MX1: variants seen among roughly 807,000 people sequenced by gnomAD.
MX1 encodes MX dynamin like GTPase 1.
MX1 carries 66 observed loss-of-function variants against 66.4 expected under a neutral mutation model. The ratio of observed to expected loss-of-function variants is 0.99; its 90% CI spans 0.82 to 1.22. The LOEUF (loss-of-function observed/expected upper bound fraction) is 1.22. Among genes scored for constraint, MX1 ranks in the 50% most tolerant of loss-of-function variants. The pLI is 0.00. For synonymous variants in MX1, 311 were observed against 318.1 expected (o/e 0.98, Z 0.24); for missense variants, 787 against 834.3 (o/e 0.94, Z 0.70).
At chr21:41,456,720 C>A (rs1264923713) in intron 16 of MX1, among the ~76,000 whole-genome samples, 1 of 152,010 alleles carries the variant, frequency 6.6e-6, no homozygotes, top group Admixed American at 6.6e-5. Context: ...TCCATCCACA[C>A]TGGCCGCTTT....
chr21:41,427,020 C>G (rs1323085611), intron 1 of MX1, 186 bp from the exon 2 acceptor site: 4 of 152,192 alleles, frequency 2.6e-5, no homozygotes, highest in Non-Finnish European at 4.4e-5. Context: ...GACCTGCGCT[C>G]CCATCCCACC....
chr21:41,451,073 T>C, intron 14 of MX1, 94 bp from the exon 15 acceptor site: 1 of 834,414 alleles, frequency 1.2e-6, no homozygotes, highest in Non-Finnish European at 2.0e-6. Flanking sequence ...GGGGAAACTT[T>C]ACTTCATACC....
intron 7 of MX1, among the ~76,000 whole-genome samples, chr21:41,437,470 C>T (rs1255588593): frequency 7.8e-6 from 1 of 127,420 alleles, no homozygotes; most frequent in Admixed American, 7.4e-5. Context: ...GAGACCCCGT[C>T]TCTTAAAAAA....
At chr21:41,433,315 G>A (rs1233250173) in intron 5 of MX1, among the ~76,000 whole-genome samples, 1 of 152,262 alleles carries the variant, frequency 6.6e-6, no homozygotes, top group Non-Finnish European at 1.5e-5. Flanking sequence ...GTGTGCTGGA[G>A]TTTGAGGACC....
At chr21:41,427,495 G>T (rs1427115186) in intron 2 of MX1, among the ~76,000 whole-genome samples, 191 bp downstream of exon 2, 4 of 151,862 alleles carry the variant, frequency 2.6e-5, no homozygotes. Context: ...TGCACGTTCT[G>T]CACATGTACC....
chr21:41,458,915 C>T lies in MX1; in HGVS notation c.*157C>T. ...GTGATTTAGCAGGAAGCTGTGAGAG[C>T]AGTTTGGTTTCTAGCATGAAGACAG... On this transcript the variant is annotated 3_prime_UTR_variant, in exon 17 of 17. Transcript: ENST00000398598. 7.4e-7 allele frequency: 1 copy of T among 1,359,134 alleles called. No individual in the cohort carries two copies. The highest frequency in any genetic ancestry group is 9.7e-7 in the Non-Finnish European group (1 of 1,027,950). The allele number at this position is 1,359,134 out of a possible 1,614,324, so 84.2% of individuals were successfully genotyped here.
At position 41,458,612 on chromosome 21, in the gene MX1, G is replaced by A; in HGVS notation, c.1843G>A (p.Ala615Thr). ...LQTYGQQLQKAMLQLLQDKDT... is the reference protein window; with the variant it reads ...LQTYGQQLQKTMLQLLQDKDT... The stretch of plus-strand genomic sequence containing the variant: ...GACGTACGGCCAGCAGCTTCAGAAG[G>A]CCATGCTGCAGCTCCTGCAGGACAA... Residue 615 changes from alanine to threonine, a missense_variant, in exon 17 of 17, where the codon GCC becomes ACC. Coordinates refer to ENST00000398598, the MANE Select transcript of MX1 (RefSeq NM_002462.5). 1 of 1,612,848 alleles carries A rather than the reference G, an allele frequency of 6.2e-7. No individual in the cohort carries two copies. Among genetic ancestry groups the A allele is most frequent in the Non-Finnish European group, 8.5e-7 (1 of 1,179,548 alleles).
intron 1 of MX1, among the ~76,000 whole-genome samples, chr21:41,421,048 C>T (rs1031127227): frequency 2.6e-5 from 4 of 152,240 alleles, no homozygotes; most frequent in African/African-American, 9.6e-5. Flanking sequence ...ATTTATTGAT[C>T]ATTTGTGGGT....
chr21:41,458,421 G>T, intron 16 of MX1, 107 bp from the exon 17 acceptor site: 2 of 1,364,738 alleles, frequency 1.5e-6, no homozygotes, highest in Admixed American at 1.9e-5. Flanking sequence ...CCCTGCGAGG[G>T]TCTCCCTCAT....
At chr21:41,448,312 T>TA (rs2090721648) in intron 13 of MX1, among the ~76,000 whole-genome samples, 1 of 152,258 alleles carries the variant, frequency 6.6e-6, no homozygotes, top group South Asian at 2.1e-4. Context: ...TTTACTCTGT[T>TA]ATCCCATTTG....
intron 5 of MX1, 143 bp from the exon 6 acceptor site, chr21:41,435,694 A>T: frequency 1.1e-6 from 1 of 899,676 alleles, no homozygotes; most frequent in Non-Finnish European, 1.7e-6. Context: ...CAATCCAATT[A>T]CCTCCACCTG....
At chr21:41,452,365 G>A (rs2090854044) in intron 15 of MX1, among the ~76,000 whole-genome samples, 1 of 152,208 alleles carries the variant, frequency 6.6e-6, no homozygotes, top group Non-Finnish European at 1.5e-5. Context: ...CTGAAAGCAA[G>A]CCTGTGCAGG....
At chr21:41,420,650 G>A (rs1169299813) in exon 1 of MX1, 2 of 152,328 alleles carry the variant, frequency 1.3e-5, no homozygotes, top group East Asian at 3.8e-4. Context: ...AGGATCCTGA[G>A]GCCCGTGTTT....
Position 41,458,799 on chromosome 21 carries a change from C to CTGCCCCCG in MX1, c.*43_*50dup, listed in dbSNP as rs1308537677. On this transcript the variant is annotated 3_prime_UTR_variant, in exon 17 of 17. Coordinates refer to ENST00000398598, the MANE Select transcript of MX1 (RefSeq NM_002462.5). ...CCCCGTAGACGTGCACGCACACTGT[C>CTGCCCCCG]TGCCCCCGTTCCCGGGTAGCCACTG... 1 of 1,584,582 alleles carries CTGCCCCCG rather than the reference C, an allele frequency of 6.3e-7. No individual in the cohort carries two copies. Among genetic ancestry groups the CTGCCCCCG allele is most frequent in the East Asian group, 2.2e-5 (1 of 44,448 alleles).
intron 14 of MX1, among the ~76,000 whole-genome samples, chr21:41,450,759 A>G (rs1052765431): frequency 6.6e-6 from 1 of 152,020 alleles, no homozygotes; most frequent in Non-Finnish European, 1.5e-5. Flanking sequence ...TAAAAGATAA[A>G]TAATATAAAT....
At chr21:41,450,149 C>G (rs768194063) in intron 14 of MX1, among the ~76,000 whole-genome samples, 2 of 152,194 alleles carry the variant, frequency 1.3e-5, no homozygotes, top group Non-Finnish European at 2.9e-5. Flanking sequence ...TCAAAATCGG[C>G]TGTTTATTTG....
intron 11 of MX1, 41 bp downstream of exon 11, chr21:41,443,907 T>TA (rs1329015387): frequency 1.3e-6 from 2 of 1,577,074 alleles, no homozygotes; most frequent in African/African-American, 1.3e-5. Context: ...AAAAGAATAC[T>TA]ACGACCGCAG....
upstream of MX1, among the ~76,000 whole-genome samples, chr21:41,421,670 GACACAGC>G (rs1037853669): frequency 1.3e-5 from 2 of 152,188 alleles, no homozygotes; most frequent in Admixed American, 1.3e-4. Context: ...ACCCTGAGTG[GACACAGC>G]ACATGTTTCA....
At chr21:41,439,562 A>G (rs763384134) in intron 7 of MX1, 132 bp from the exon 8 acceptor site, 1 of 895,012 alleles carries the variant, frequency 1.1e-6, no homozygotes, top group Non-Finnish European at 1.8e-6. Context: ...ATCACAGAAA[A>G]TTGAATCTGC....
Sources: gnomAD v4.1 joint callset for allele counts (sites outside exome capture counted in the v4.1 genomes callset) on GRCh38, gnomAD v4.1.1 for gene constraint, MANE v1.5 for transcripts, NCBI Gene and HGNC (gene_info 2026-07-23, HGNC 2026-07-21) for gene names.